The following CAPN7 variants were observed in gnomAD, a reference collection of about 807,000 sequenced individuals.
The protein encoded by CAPN7 is calpain 7.
A neutral mutation model predicts 115.2 loss-of-function variants in CAPN7; 72 were observed. The observed-to-expected ratio is 0.63, with a 90% CI of 0.52 to 0.76. The LOEUF is 0.76. Ranked by LOEUF, CAPN7 falls within the 30% of genes least tolerant of loss-of-function variation. The pLI is 0.00. For synonymous variants in CAPN7, 344 were observed against 322.3 expected, an observed-to-expected ratio of 1.07 and a Z score of -0.72; for missense variants, 905 against 971.5, an observed-to-expected ratio of 0.93 and a Z score of 0.91.
chr3:15,213,965 C>G (rs1013797444), intron 2 of CAPN7, among the ~76,000 whole-genome samples: 2 of 150,928 alleles, frequency 1.3e-5, no homozygotes, highest in African/African-American at 4.9e-5. Flanking sequence ...CTGCCAAGTT[C>G]CGCCTCCGGG....
intron 16 of CAPN7, 112 bp downstream of exon 16, chr3:15,242,365 T>C (rs1695400171): frequency 1.5e-6 from 1 of 659,850 alleles, no homozygotes; most frequent in Admixed American, 3.5e-5. Context: ...AATAATTATG[T>C]TGATAGACTA....
intron 9 of CAPN7, among the ~76,000 whole-genome samples, chr3:15,231,067 C>T (rs1332840399): frequency 2.0e-5 from 3 of 152,210 alleles, no homozygotes; most frequent in African/African-American, 4.8e-5. Flanking sequence ...GCAACATCAG[C>T]ATCACCTGGA....
intron 12 of CAPN7, among the ~76,000 whole-genome samples, chr3:15,237,661 A>G (rs1026203860): frequency 2.0e-5 from 3 of 152,182 alleles, no homozygotes; most frequent in Non-Finnish European, 4.4e-5. Context: ...ATAATTTGCC[A>G]CAAATGCCAG....
chr3:15,242,206 T>C lies in CAPN7; in HGVS notation c.1817T>C (p.Ile606Thr). 1 of 1,605,116 alleles carries C rather than the reference T, an allele frequency of 6.2e-7. No homozygotes were observed. The highest frequency in any genetic ancestry group is 8.5e-7 in the Non-Finnish European group (1 of 1,177,756). Reference protein sequence around the residue: ...KDDFANNREFITMVVYKTDGK... With the variant: ...KDDFANNREFTTMVVYKTDGK... ...GATTTTGCGAATAATCGAGAATTTA[T>C]CACAATGGTTGTATACAAGACTGAT... Residue 606 changes from isoleucine to threonine, a missense_variant, in exon 16 of 21, where the codon ATC (isoleucine) becomes ACC (threonine). By Grantham distance (89) the Ile-to-Thr change is moderately conservative (BLOSUM62 -1). Around this residue, in one of 3 missense-constraint regions of CAPN7, gnomAD observed 620 missense variants for 703.4 expected, o/e 0.88. Coordinates refer to ENST00000253693, the MANE Select transcript of CAPN7 (RefSeq NM_014296.3).
rs1376201072 is a variant in CAPN7, at chr3:15,252,179, G to C, written c.*919G>C. 1 of 152,552 alleles carries C rather than the reference G, an allele frequency of 6.6e-6. No homozygotes were observed. The highest frequency in any genetic ancestry group is 1.5e-5 in the Non-Finnish European group (1 of 68,002). 9.4% of individuals were successfully genotyped at this position (152,552 alleles called of 1,614,324 possible). A position where few individuals can be genotyped will look rare whatever the true frequency, so the allele number is the denominator to read the frequency against. On this transcript the variant is annotated 3_prime_UTR_variant, in exon 21 of 21. Transcript: ENST00000253693. ...ACATAAAAACCCATCAGGACAGAATGATGCTCAATATTTTAAAATTCTAAA... is the reference window on the plus strand; with the variant it reads ...ACATAAAAACCCATCAGGACAGAATCATGCTCAATATTTTAAAATTCTAAA...
intron 12 of CAPN7, among the ~76,000 whole-genome samples, chr3:15,235,860 A>C (rs745882283): frequency 6.6e-6 from 1 of 152,128 alleles, no homozygotes; most frequent in Non-Finnish European, 1.5e-5. Context: ...CTGAATAAAT[A>C]CTTATGAAAG....
At chr3:15,243,943 A>T (rs1200134924) in intron 16 of CAPN7, among the ~76,000 whole-genome samples, 3 of 152,228 alleles carry the variant, frequency 2.0e-5, no homozygotes, top group Non-Finnish European at 4.4e-5. Flanking sequence ...ACCTAAAATA[A>T]AAATTAAAGG....
At position 15,247,341 on chromosome 3, in the gene CAPN7, G is replaced by GA; in HGVS notation, c.2089dup (p.Ser697LysfsTer18). On this transcript the variant is annotated frameshift_variant, in exon 19 of 21. Coordinates refer to ENST00000253693, the MANE Select transcript of CAPN7 (RefSeq NM_014296.3). LOFTEE classifies it high-confidence loss of function. ...GTTTTTATTAGATTAATGGAAAGTG[G>GA]AGTGGTCAGAGTGCTGGAGGATGTG... The GA allele has an allele frequency of 6.4e-7, 1 of 1,573,304 alleles. No homozygotes were observed. The highest frequency in any genetic ancestry group is 8.6e-7 in the Non-Finnish European group (1 of 1,164,030).
chr3:15,233,994 T>C (rs1397346143), intron 11 of CAPN7, 21 bp downstream of exon 11: 2 of 1,315,912 alleles, frequency 1.5e-6, no homozygotes, highest in Non-Finnish European at 1.1e-6. Context: ...TTCTTTGTTT[T>C]ATGTGTGTGG....
chr3:15,232,401 G>A, intron 9 of CAPN7, 118 bp from the exon 10 acceptor site: 1 of 706,050 alleles, frequency 1.4e-6, no homozygotes, highest in East Asian at 2.9e-5. Flanking sequence ...TACCTTAATA[G>A]CCGTCAGCAT....
At chr3:15,239,399 A>G (rs1161773164) in intron 12 of CAPN7, among the ~76,000 whole-genome samples, 1 of 152,184 alleles carries the variant, frequency 6.6e-6, no homozygotes, top group East Asian at 1.9e-4. Flanking sequence ...ATTTTCCCGA[A>G]TCAATGTAAT....
chr3:15,209,008 A>G (rs993355707), intron 1 of CAPN7, among the ~76,000 whole-genome samples: 3 of 151,958 alleles, frequency 2.0e-5, no homozygotes, highest in East Asian at 1.9e-4. Flanking sequence ...TCATTTTATA[A>G]TCTTTTTTCC....
intron 11 of CAPN7, 81 bp downstream of exon 11, chr3:15,234,054 G>A: frequency 1.3e-6 from 1 of 750,698 alleles, no homozygotes. Context: ...GGTGGGTCAT[G>A]CCTGTAATCC....
intron 2 of CAPN7, among the ~76,000 whole-genome samples, chr3:15,214,811 G>A (rs2045152650): frequency 6.6e-6 from 1 of 152,242 alleles, no homozygotes; most frequent in Non-Finnish European, 1.5e-5. Context: ...ACTTGTAGCT[G>A]TGAAATCTTA....
In CAPN7 at chr3:15,206,557, AC is replaced by A; in HGVS notation, c.64del (p.His22ThrfsTer19). On this transcript the variant is annotated frameshift_variant, in exon 1 of 21. Coordinates refer to ENST00000253693, the MANE Select transcript of CAPN7 (RefSeq NM_014296.3). LOFTEE classifies it high-confidence loss of function. The part of the protein sequence containing the change: ...VQFARLAVQR[D>X]HEGRYSEAVF... ...TTCGCCCGTCTGGCGGTTCAGCGCG[AC>A]CACGAAGGCCGCTACTCCGAGGCGG... 1 of 1,555,354 alleles carries A rather than the reference AC, an allele frequency of 6.4e-7. No individual in the cohort carries two copies. The highest frequency in any genetic ancestry group is 1.2e-5 in the South Asian group (1 of 84,260).
At chr3:15,240,719 GA>G (rs747208161) in intron 13 of CAPN7, 34 bp from the exon 14 acceptor site, 19 of 1,569,782 alleles carry the variant, frequency 1.2e-5, no homozygotes, top group East Asian at 4.5e-5. Flanking sequence ...TTAGCATTAA[GA>G]TTTTTTTAGA....
At chr3:15,239,111 GAC>G (rs1695187673) in intron 12 of CAPN7, among the ~76,000 whole-genome samples, 1 of 152,090 alleles carries the variant, frequency 6.6e-6, no homozygotes, top group Non-Finnish European at 1.5e-5. Context: ...TGTGTGGTGA[GAC>G]ACATACAGTG....
chr3:15,242,092 G>C (rs1695382614), intron 15 of CAPN7, 86 bp from the exon 16 acceptor site: 2 of 829,904 alleles, frequency 2.4e-6, no homozygotes, highest in South Asian at 1.6e-5. Context: ...GAGAGATTTA[G>C]AGCATTTTTT....
At chr3:15,230,279 TTAGGGTG>T in intron 8 of CAPN7, among the ~76,000 whole-genome samples, 156 bp from the exon 9 acceptor site, 2 of 152,312 alleles carry the variant, frequency 1.3e-5, no homozygotes, top group Admixed American at 1.3e-4. Flanking sequence ...AGCACTTTGA[TTAGGGTG>T]TAGTTCATTT....
Sources: gnomAD v4.1 joint callset for allele counts (sites outside exome capture counted in the v4.1 genomes callset) on GRCh38, gnomAD v4.1.1 for gene constraint, gnomAD v4.1.1 regional missense constraint, MANE v1.5 for transcripts, NCBI Gene and HGNC (gene_info 2026-07-23, HGNC 2026-07-21) for gene names.